The following ERC2 variants were observed in gnomAD, a reference collection of about 807,000 sequenced individuals.
ERC2 encodes ELKS/RAB6-interacting/CAST family member 2, also known as ERC protein 2.
ERC2 carries 42 observed loss-of-function variants against 114.8 expected under a neutral mutation model. The observed-to-expected ratio is 0.37, with a 90% CI of 0.29 to 0.47. ERC2 has a LOEUF of 0.47. Among genes scored for constraint, ERC2 ranks in the 20% least tolerant of loss-of-function variants. The pLI is 0.99. For missense variants in ERC2, 939 were observed against 1,150.7 expected, an observed-to-expected ratio of 0.82 and a Z score of 2.66; for synonymous variants, 454 against 425.5, an observed-to-expected ratio of 1.07 and a Z score of -0.82.
chr3:56,346,464 C>T (rs1266132365), intron 2 of ERC2, among the ~76,000 whole-genome samples: 3 of 152,038 alleles, frequency 2.0e-5, no homozygotes, highest in Non-Finnish European at 4.4e-5. Context: ...ATACCCAAGG[C>T]TGGGTAATTT....
intron 14 of ERC2, among the ~76,000 whole-genome samples, chr3:55,808,742 T>TATATATATATAA (rs1455596885): frequency 3.6e-4 from 36 of 100,358 alleles, no homozygotes; most frequent in African/African-American, 1.2e-3. Context: ...TATATATATA[T>TATATATATATAA]AACGTATAAC....
chr3:56,251,532 A>G (rs2052154883), intron 3 of ERC2, among the ~76,000 whole-genome samples: 1 of 152,194 alleles, frequency 6.6e-6, no homozygotes, highest in Non-Finnish European at 1.5e-5. Flanking sequence ...AATCTCATTC[A>G]AGGCTGCCAT....
chr3:55,720,546 A>G (rs940239534), intron 15 of ERC2, among the ~76,000 whole-genome samples: 1 of 151,854 alleles, frequency 6.6e-6, no homozygotes, highest in Non-Finnish European at 1.5e-5. Flanking sequence ...TGGCCTCCCA[A>G]AGTGTTGGGA....
chr3:56,222,373 AC>A (rs2049968327), intron 3 of ERC2, among the ~76,000 whole-genome samples: 1 of 152,164 alleles, frequency 6.6e-6, no homozygotes, highest in Admixed American at 6.5e-5. Context: ...TTTTTCCCTG[AC>A]CTGCTGCAGA....
rs756708801 is a variant in ERC2, at chr3:56,087,591, C to T, written c.1474-6607G>A. Among the ~76,000 whole-genome samples the T allele has an allele frequency of 9.2e-5, 14 of 151,984 alleles. No individual in the cohort carries two copies. In the East Asian group the frequency reaches 2.7e-3, roughly 29 times the overall value. ...TTCAATCTTAAAATGACTACTGCAA[C>T]ACTTGAGAGAAAAAAACACCTGAGG... On this transcript the variant is annotated intron_variant, in intron 6 of 17. Coordinates refer to ENST00000288221, the MANE Select transcript of ERC2 (RefSeq NM_015576.3).
intron 12 of ERC2, among the ~76,000 whole-genome samples, chr3:55,973,637 C>T (rs1192594652): frequency 6.6e-6 from 1 of 152,174 alleles, no homozygotes; most frequent in Non-Finnish European, 1.5e-5. Context: ...TCAGTTTAGT[C>T]ATATGCCCAT....
At chr3:55,668,650 G>A (rs2061444952) in intron 17 of ERC2, among the ~76,000 whole-genome samples, 1 of 152,178 alleles carries the variant, frequency 6.6e-6, no homozygotes, top group Non-Finnish European at 1.5e-5. Flanking sequence ...CTCTGGGACT[G>A]GTGTTCAGGC....
rs538998703 is a variant in ERC2 at position 55,702,445 on chromosome 3, T to C, written c.2713-2933A>G. 5.9e-5 allele frequency among the ~76,000 whole-genome samples: 9 copies of C among 152,314 alleles called. No homozygotes were observed. In the South Asian group the frequency reaches 1.9e-3, roughly 32 times the overall value. ...AACATATCCCCTAAACTGTGACCGA[T>C]TTCTTACCGGCTAGTTGCTGGTGTT... is the stretch of plus-strand genomic sequence containing the variant. On this transcript the variant is annotated intron_variant, in intron 15 of 17. Coordinates refer to ENST00000288221, the MANE Select transcript of ERC2 (RefSeq NM_015576.3).
At chr3:55,543,017 T>C (rs1159698583) in intron 17 of ERC2, among the ~76,000 whole-genome samples, 1 of 152,214 alleles carries the variant, frequency 6.6e-6, no homozygotes, top group Non-Finnish European at 1.5e-5. Context: ...GTCCCACATC[T>C]GCTCAAAGCC....
At chr3:56,104,709 T>C (rs1046776319) in intron 6 of ERC2, among the ~76,000 whole-genome samples, 3 of 152,016 alleles carry the variant, frequency 2.0e-5, no homozygotes, top group African/African-American at 7.2e-5. Context: ...AGCTGTACCA[T>C]GTCTTAAAAT....
chr3:56,209,030 C>T (rs1035500538), intron 3 of ERC2, among the ~76,000 whole-genome samples: 2 of 152,142 alleles, frequency 1.3e-5, no homozygotes, highest in Non-Finnish European at 2.9e-5. Flanking sequence ...AATCTGATCA[C>T]TCCCCTCCTC....
chr3:55,535,795 ACCAGCCTGG>A (rs2053961449), intron 17 of ERC2, among the ~76,000 whole-genome samples: 1 of 152,206 alleles, frequency 6.6e-6, no homozygotes, highest in African/African-American at 2.4e-5. Context: ...GGAGTTTAAG[ACCAGCCTGG>A]CCAACATGGC....
chr3:56,423,551 G>A (rs1467076231), intron 2 of ERC2, among the ~76,000 whole-genome samples: 6 of 152,166 alleles, frequency 3.9e-5, no homozygotes, highest in African/African-American at 1.2e-4. Context: ...GGAGACAAAC[G>A]AGACAGCTCA....
At chr3:56,254,617 C>G (rs1347331286) in intron 3 of ERC2, among the ~76,000 whole-genome samples, 1 of 152,186 alleles carries the variant, frequency 6.6e-6, no homozygotes, top group Admixed American at 6.5e-5. Flanking sequence ...TTACTGTGCT[C>G]TTATTATGTA....
At chr3:55,742,720 G>A (rs773169233) in intron 14 of ERC2, among the ~76,000 whole-genome samples, 19 of 152,186 alleles carry the variant, frequency 1.2e-4, no homozygotes, top group Non-Finnish European at 1.9e-4. Flanking sequence ...CAGACAGATG[G>A]TGACGAAAGA....
intron 2 of ERC2, among the ~76,000 whole-genome samples, chr3:56,321,627 T>C (rs2057131877): frequency 6.6e-6 from 1 of 152,238 alleles, no homozygotes; most frequent in Admixed American, 6.5e-5. Flanking sequence ...GTCTATCCTG[T>C]TGGACTGTCT....
At chr3:56,345,707 G>C (rs1167432056) in intron 2 of ERC2, among the ~76,000 whole-genome samples, 1 of 152,200 alleles carries the variant, frequency 6.6e-6, no homozygotes, top group Non-Finnish European at 1.5e-5. Flanking sequence ...TCACATATGA[G>C]GGTGGTAGAA....
At chr3:55,856,176 G>A (rs1291180982) in intron 14 of ERC2, among the ~76,000 whole-genome samples, 2 of 152,206 alleles carry the variant, frequency 1.3e-5, no homozygotes, top group African/African-American at 4.8e-5. Flanking sequence ...GGTTGGTTAA[G>A]TCACCCCAGT....
intron 6 of ERC2, among the ~76,000 whole-genome samples, chr3:56,115,791 G>A (rs1219829429): frequency 6.6e-6 from 1 of 151,944 alleles, no homozygotes; most frequent in African/African-American, 2.4e-5. Flanking sequence ...GAGATTACAA[G>A]GGACTCACCT....
Sources: allele counts gnomAD v4.1 joint callset (sites outside exome capture counted in the v4.1 genomes callset), GRCh38; gene constraint gnomAD v4.1.1; transcripts MANE v1.5; gene names NCBI Gene and HGNC (gene_info 2026-07-23, HGNC 2026-07-21).